Variants in TOX2 observed in about 807,000 individuals in gnomAD.
TOX2 encodes TOX high mobility group box family member 2, also known as granulosa cell HMG box 1.
A neutral mutation model predicts 47.4 loss-of-function variants in TOX2; 15 were observed. The observed-to-expected ratio is 0.32, with a 90% confidence interval of 0.21 to 0.49. TOX2 has a LOEUF of 0.49. Among genes scored for constraint, TOX2 ranks in the 20% least tolerant of loss-of-function variants. TOX2 has a pLI of 0.99. For missense variants in TOX2, 622 were observed against 673.1 expected, an observed-to-expected ratio of 0.92 and a Z score of 0.84; for synonymous variants, 290 against 296.6, an observed-to-expected ratio of 0.98 and a Z score of 0.23.
intron 3 of TOX2, among the ~76,000 whole-genome samples, chr20:44,020,579 ACAGAC>A (rs1311588720): frequency 2.0e-5 from 3 of 152,200 alleles, no homozygotes; most frequent in Non-Finnish European, 4.4e-5. Context: ...ATCCAGCAAG[ACAGAC>A]TACTGCTGAG....
At chr20:43,958,499 C>G (rs2069703626) in intron 1 of TOX2, among the ~76,000 whole-genome samples, 1 of 152,224 alleles carries the variant, frequency 6.6e-6, no homozygotes. Context: ...ACTGCTCTCA[C>G]CTGGCCTATC....
intron 2 of TOX2, among the ~76,000 whole-genome samples, chr20:43,998,248 C>T (rs948517830): frequency 2.0e-5 from 3 of 152,232 alleles, no homozygotes; most frequent in South Asian, 4.1e-4. Context: ...TCACCTTCCA[C>T]CAGGCCCCTG....
intron 1 of TOX2, among the ~76,000 whole-genome samples, chr20:43,950,035 C>CT (rs11474973): frequency 1.3e-5 from 2 of 151,886 alleles, no homozygotes; most frequent in Non-Finnish European, 2.9e-5. Context: ...AGCCTCTCTG[C>CT]TTTGGAGGGT....
At chr20:44,056,685 GTTCT>G (rs1020693180) in intron 5 of TOX2, among the ~76,000 whole-genome samples, 1 of 151,874 alleles carries the variant, frequency 6.6e-6, no homozygotes, top group Non-Finnish European at 1.5e-5. Context: ...TACTTAATGC[GTTCT>G]TTTACTTAAT....
At chr20:44,066,230 C>T (rs995785508) in intron 7 of TOX2, 123 bp downstream of exon 7, 1 of 1,083,920 alleles carries the variant, frequency 9.2e-7, no homozygotes, top group Non-Finnish European at 1.3e-6. Flanking sequence ...CACCTGACCT[C>T]TCTGAGCCTC....
intron 6 of TOX2, among the ~76,000 whole-genome samples, chr20:44,065,178 C>T (rs1372869804): frequency 6.6e-6 from 1 of 152,168 alleles, no homozygotes; most frequent in Non-Finnish European, 1.5e-5. Flanking sequence ...TCACTTCTGA[C>T]CGCTGATGGG....
At chr20:43,950,598 C>G (rs1300512052) in intron 1 of TOX2, among the ~76,000 whole-genome samples, 2 of 152,000 alleles carry the variant, frequency 1.3e-5, no homozygotes, top group African/African-American at 4.8e-5. Context: ...CCCTGGAATG[C>G]TCTCCCCAAC....
intron 2 of TOX2, among the ~76,000 whole-genome samples, chr20:43,983,068 A>G (rs1245276664): frequency 6.6e-6 from 1 of 151,838 alleles, no homozygotes; most frequent in Non-Finnish European, 1.5e-5. Context: ...GGTGTGTGCC[A>G]CCAAATGTGA....
chr20:44,040,442 T>C (rs892963331), intron 3 of TOX2, among the ~76,000 whole-genome samples: 5 of 150,942 alleles, frequency 3.3e-5, no homozygotes. Context: ...GGCCCAGGAG[T>C]TGAGGATGGA....
At position 43,915,029 on chromosome 20, in the gene TOX2, C is replaced by G. The variant is rs1387130540; in HGVS notation, c.99+39C>G. Reference sequence around the variant, plus strand: ...GGCGGGGGTCCCCGGCGGGCGGGGCCGGAGTCACCTGGCAGCTCGGGACTC... The same window carrying G: ...GGCGGGGGTCCCCGGCGGGCGGGGCGGGAGTCACCTGGCAGCTCGGGACTC... On this transcript the variant is annotated intron_variant, in intron 1 of 8. Transcript: ENST00000341197. This position sits in a 1 kb window ranked among gnomAD's most constrained non-coding sequence, Gnocchi z 7.1. 1 of 1,193,944 alleles carries G rather than the reference C, an allele frequency of 8.4e-7. No individual in the cohort carries two copies. The highest frequency in any genetic ancestry group is 1.0e-6 in the Non-Finnish European group (1 of 954,206). 74.0% of individuals were successfully genotyped at this position (1,193,944 alleles called of 1,614,324 possible).
At chr20:44,000,449 A>G (rs1569081249) in intron 2 of TOX2, among the ~76,000 whole-genome samples, 1 of 152,238 alleles carries the variant, frequency 6.6e-6, no homozygotes, top group Non-Finnish European at 1.5e-5. Context: ...TGGAGTGGCC[A>G]TTAGCTGAGG....
chr20:43,958,173 C>T (rs2069698619), intron 1 of TOX2, among the ~76,000 whole-genome samples: 1 of 150,854 alleles, frequency 6.6e-6, no homozygotes, highest in South Asian at 2.1e-4. Flanking sequence ...TGTACTTTTC[C>T]TTCTGTTTCA....
intron 1 of TOX2, among the ~76,000 whole-genome samples, chr20:43,947,285 TTTC>T (rs1163038919): frequency 6.6e-6 from 1 of 152,276 alleles, no homozygotes. Context: ...TGATGCCTAC[TTTC>T]TTGTGTTGTC....
chr20:43,987,672 A>G (rs977929355), intron 2 of TOX2, among the ~76,000 whole-genome samples: 2 of 152,158 alleles, frequency 1.3e-5, no homozygotes, highest in African/African-American at 4.8e-5. Flanking sequence ...GTAAATTCCC[A>G]CTGAGAGCAT....
chr20:43,943,124 G>A (rs1324589053), intron 1 of TOX2, among the ~76,000 whole-genome samples: 1 of 152,130 alleles, frequency 6.6e-6, no homozygotes, highest in East Asian at 1.9e-4. Flanking sequence ...TGCACCTGCC[G>A]CAGCCCTGCC....
chr20:43,987,286 C>T (rs1253259173), intron 2 of TOX2, among the ~76,000 whole-genome samples: 1 of 152,152 alleles, frequency 6.6e-6, no homozygotes, highest in Non-Finnish European at 1.5e-5. Flanking sequence ...ACATTCTAGA[C>T]AATGCCATTT....
chr20:44,022,976 AGAG>A (rs2145656862), intron 3 of TOX2, among the ~76,000 whole-genome samples: 1 of 150,722 alleles, frequency 6.6e-6, no homozygotes, highest in South Asian at 2.2e-4. Flanking sequence ...TAGATATGTA[AGAG>A]GAGAGAGAGA....
chr20:44,051,656 G>A, intron 4 of TOX2, 111 bp downstream of exon 4: 1 of 1,444,808 alleles, frequency 6.9e-7, no homozygotes, highest in East Asian at 2.5e-5. Flanking sequence ...AAAGCCTGAT[G>A]TCCCAAGGTC....
intron 1 of TOX2, among the ~76,000 whole-genome samples, chr20:43,945,109 T>A (rs2069447849): frequency 6.6e-6 from 1 of 152,310 alleles, no homozygotes; most frequent in East Asian, 1.9e-4. Flanking sequence ...CTTATTTTTT[T>A]GTTTTAAATT....
Sources: gnomAD v4.1 joint callset for allele counts (sites outside exome capture counted in the v4.1 genomes callset) on GRCh38, gnomAD v4.1.1 for gene constraint, Gnocchi (gnomAD v3.1) non-coding constraint, MANE v1.5 for transcripts, NCBI Gene and HGNC (gene_info 2026-07-23, HGNC 2026-07-21) for gene names.